Variants in RFXANK observed in about 807,000 individuals in gnomAD.
The protein encoded by RFXANK is regulatory factor X associated ankyrin containing protein.
Under a neutral mutation model 34.5 loss-of-function variants are expected in RFXANK, and 19 were observed. That is an observed-to-expected ratio of 0.55 (90% CI 0.38 to 0.81). RFXANK has a LOEUF of 0.81. Among genes scored for constraint, RFXANK ranks in the 30% least tolerant of loss-of-function variants. RFXANK has a pLI of 0.00. For synonymous variants in RFXANK, 154 were observed against 149.8 expected (o/e 1.03, Z -0.20); for missense variants, 295 against 343.5 (o/e 0.86, Z 1.12).
chr19:19,193,392 C>T (rs528068137), intron 2 of RFXANK, among the ~76,000 whole-genome samples: 2 of 151,556 alleles, frequency 1.3e-5, no homozygotes, highest in South Asian at 2.1e-4. Context: ...GACCCCAGAG[C>T]CCCGGCTTTT....
At chr19:19,199,432 G>C (rs1346173017) in intron 9 of RFXANK, among the ~76,000 whole-genome samples, 198 bp downstream of exon 9, 1 of 152,170 alleles carries the variant, frequency 6.6e-6, no homozygotes, top group East Asian at 1.9e-4. Context: ...GGGGTAGGGA[G>C]GACAATGGGT....
At chr19:19,200,211 G>A (rs1346100465) in intron 9 of RFXANK, among the ~76,000 whole-genome samples, 1 of 139,568 alleles carries the variant, frequency 7.2e-6, no homozygotes, top group Non-Finnish European at 1.5e-5. Flanking sequence ...GGAGTCTCGC[G>A]CTGTCACCCA....
chr19:19,192,258 CT>C lies in RFXANK; in HGVS notation c.-443del. The C allele has an allele frequency of 8.8e-7, 1 of 1,134,262 alleles. No homozygotes were observed. The allele number at this position is 1,134,262 out of a possible 1,614,324, so 70.3% of individuals were successfully genotyped here. A position where few individuals can be genotyped will look rare whatever the true frequency, so the allele number is the denominator to read the frequency against. ...GGGCCCGCCCTCCCCGCTCCTCAGT[CT>C]TTGCGGACAAGAAAGGGGCTGTGTG... On this transcript the variant is annotated 5_prime_UTR_variant, in exon 1 of 10. Transcript: ENST00000303088.
At position 19,192,277 on chromosome 19, in the gene RFXANK, G is replaced by GTCTTCC; in HGVS notation, c.-427_-426insTCTTCC. The GTCTTCC allele has an allele frequency of 1.0e-5, 10 of 964,972 alleles. No homozygotes were observed. The South Asian group carries it at 1.2e-4, about 12-fold the overall frequency. 59.8% of individuals were successfully genotyped at this position (964,972 alleles called of 1,614,324 possible). A position where few individuals can be genotyped will look rare whatever the true frequency, so the allele number is the denominator to read the frequency against. ...CTCAGTCTTTGCGGACAAGAAAGGG[G>GTCTTCC]CTGTGTGAGACGCAGGGAAGGAGGC... On this transcript the variant is annotated 5_prime_UTR_variant, in exon 1 of 10. Coordinates refer to ENST00000303088, the MANE Select transcript of RFXANK (RefSeq NM_003721.4).
chr19:19,197,825 A>G (rs2060628551), intron 6 of RFXANK, among the ~76,000 whole-genome samples: 1 of 152,064 alleles, frequency 6.6e-6, no homozygotes, highest in African/African-American at 2.4e-5. Flanking sequence ...CCCGGCCAAC[A>G]TGGGTGAAAC....
At chr19:19,195,938 C>T (rs1365724166) in intron 3 of RFXANK, among the ~76,000 whole-genome samples, 4 of 150,848 alleles carry the variant, frequency 2.7e-5, no homozygotes, top group African/African-American at 9.7e-5. Flanking sequence ...GGTGGAATTT[C>T]ACCATGTTAG....
chr19:19,201,372 C>T, intron 9 of RFXANK: 1 of 1,150,294 alleles, frequency 8.7e-7, no homozygotes, highest in Non-Finnish European at 1.2e-6. Context: ...GCCACCATGC[C>T]CAGGCTCATC....
chr19:19,200,894 G>C (rs2060702213), intron 9 of RFXANK: 1 of 158,586 alleles, frequency 6.3e-6, no homozygotes, highest in African/African-American at 2.5e-5. Flanking sequence ...CGCCTCCCAG[G>C]TTCAAGCAAT....
At chr19:19,200,175 CTTTTTTTTTT>C (rs978912398) in intron 9 of RFXANK, among the ~76,000 whole-genome samples, 11 of 120,384 alleles carry the variant, frequency 9.1e-5, no homozygotes, top group South Asian at 8.5e-4. Context: ...TTTGTTGTTG[CTTTTTTTTTT>C]TTTTTTTTTG....
chr19:19,195,205 G>GTTT (rs200720955), intron 3 of RFXANK, among the ~76,000 whole-genome samples: 1 of 117,852 alleles, frequency 8.5e-6, no homozygotes. Flanking sequence ...ACTACAGTCC[G>GTTT]TTTTTTTTTT....
Position 19,197,247 on chromosome 19 carries a change from G to T in RFXANK, c.333G>T (p.Arg111=). 6.2e-7 allele frequency: 1 copy of T among 1,612,844 alleles called. No individual in the cohort carries two copies. Among genetic ancestry groups the T allele is most frequent in the Non-Finnish European group, 8.5e-7 (1 of 1,180,028 alleles). ...TGGACCAGCTGAAGGAGCATTTGCG[G>T]AAAGGTGCGTGTCCACACACATGTG... ...GELDQLKEHL[R]KGDNLVNKPD... Residue 111 remains arginine (R), a synonymous_variant, in exon 5 of 10, where the codon CGG becomes CGT. Coordinates refer to ENST00000303088, the MANE Select transcript of RFXANK (RefSeq NM_003721.4).
chr19:19,200,954 A>G (rs2060703449), intron 9 of RFXANK: 1 of 182,990 alleles, frequency 5.5e-6, no homozygotes, highest in East Asian at 1.6e-4. Context: ...ATGCACCACC[A>G]TGCCCAACTA....
chr19:19,199,558 G>C (rs185681806), intron 9 of RFXANK, among the ~76,000 whole-genome samples: 17 of 152,254 alleles, frequency 1.1e-4, no homozygotes, highest in Admixed American at 8.5e-4. Context: ...CTGGAGGAAG[G>C]TGTCTTAAGG....
chr19:19,199,417 G>A (rs898806979), intron 9 of RFXANK, among the ~76,000 whole-genome samples, 183 bp downstream of exon 9: 12 of 152,206 alleles, frequency 7.9e-5, no homozygotes, highest in Admixed American at 2.6e-4. Flanking sequence ...GGCTCCACAT[G>A]TGCTGGGGTA....
In RFXANK at chr19:19,197,168, G is replaced by A. The variant is rs1224643772; in HGVS notation, c.272-18G>A. 1 of 1,613,828 alleles carries A rather than the reference G, an allele frequency of 6.2e-7. No homozygotes were observed. Among genetic ancestry groups the A allele is most frequent in the Non-Finnish European group, 8.5e-7 (1 of 1,179,998 alleles). The stretch of plus-strand genomic sequence containing the variant: ...AAGCAAGGGGATGAGTGAGGACTCT[G>A]CCTCTGTCCTGCCCCAGCCCTGTCC... On this transcript the variant is annotated intron_variant, in intron 4 of 9. Transcript: ENST00000303088.
At chr19:19,198,282 C>T (rs780512812) in intron 7 of RFXANK, 50 bp downstream of exon 7, 1 of 1,611,492 alleles carries the variant, frequency 6.2e-7, no homozygotes, top group Non-Finnish European at 8.5e-7. Flanking sequence ...GCCTTCATTC[C>T]TGCCTCAAAT....
At position 19,199,133 on chromosome 19, in the gene RFXANK, GCCCTC is replaced by G. The variant is rs777515154; in HGVS notation, c.632-15_632-11del. The stretch of plus-strand genomic sequence containing the variant: ...GGACTCCCAGGCCCCACCCTCCAGC[GCCCTC>G]CCCTCTCCTTTGCAGCCCGAGGCGC... On this transcript the variant is annotated splice_polypyrimidine_tract_variant and intron_variant, in intron 8 of 9. Transcript: ENST00000303088. The G allele has an allele frequency of 9.3e-6, 15 of 1,611,768 alleles. No homozygotes were observed. The South Asian group carries it at 1.6e-4, about 18-fold the overall frequency.
intron 9 of RFXANK, among the ~76,000 whole-genome samples, chr19:19,201,046 G>C (rs1235110608): frequency 6.6e-6 from 1 of 151,988 alleles, no homozygotes; most frequent in Non-Finnish European, 1.5e-5. Flanking sequence ...TGATCCACCC[G>C]CCTCAGCTTC....
In RFXANK at chr19:19,198,151, G is replaced by T. The variant is rs2060634875; in HGVS notation, c.483G>T (p.Leu161=). ...HILAKERESA[L]SLASTGGYTD... The stretch of plus-strand genomic sequence containing the variant: ...TGGCAAAAGAGCGAGAGAGCGCCCT[G>T]TCGCTGGCCAGCACAGGCGGCTACA... Residue 161 remains leucine (L), a synonymous_variant, in exon 7 of 10, where the codon CTG becomes CTT. Coordinates refer to ENST00000303088, the MANE Select transcript of RFXANK (RefSeq NM_003721.4). 6.2e-7 allele frequency: 1 copy of T among 1,614,058 alleles called. No homozygotes were observed. The highest frequency in any genetic ancestry group is 1.3e-5 in the African/African-American group (1 of 74,920).
Sources: allele counts gnomAD v4.1 joint callset (sites outside exome capture counted in the v4.1 genomes callset), GRCh38; gene constraint gnomAD v4.1.1; transcripts MANE v1.5; gene names NCBI Gene and HGNC (gene_info 2026-07-23, HGNC 2026-07-21).